Variants in DAB1 observed in about 807,000 individuals in gnomAD.
DAB1 encodes the protein DAB adaptor protein 1, also known as disabled homolog 1.
Under a neutral mutation model 64.6 loss-of-function variants are expected in DAB1, and 15 were observed. The ratio of observed to expected loss-of-function variants is 0.23; its 90% confidence interval spans 0.16 to 0.36. DAB1 has a LOEUF of 0.36. Ranked by LOEUF, DAB1 falls within the 10% of genes least tolerant of loss-of-function variation. DAB1 has a pLI of 1.00. For synonymous variants in DAB1, 235 were observed against 251.9 expected (o/e 0.93, Z 0.64); for missense variants, 596 against 706.7 (o/e 0.84, Z 1.78).
At chr1:58,156,697 A>T (rs1376533887) in intron 4 of DAB1, among the ~76,000 whole-genome samples, 1 of 152,194 alleles carries the variant, frequency 6.6e-6, no homozygotes, top group African/African-American at 2.4e-5. Context: ...AGGAGAAGGC[A>T]GGCTGCACAG....
chr1:58,042,576 G>C (rs1557623144), intron 5 of DAB1, among the ~76,000 whole-genome samples: 1 of 152,294 alleles, frequency 6.6e-6, no homozygotes, highest in African/African-American at 2.4e-5. Context: ...AAACACAAAG[G>C]AAAAGGAGGG....
At chr1:58,036,318 G>A (rs1257007491) in intron 5 of DAB1, among the ~76,000 whole-genome samples, 1 of 152,176 alleles carries the variant, frequency 6.6e-6, no homozygotes, top group Non-Finnish European at 1.5e-5. Context: ...CCAAGGTCAT[G>A]CTGGCAGTTG....
intron 5 of DAB1, among the ~76,000 whole-genome samples, chr1:58,002,184 G>A (rs1484588238): frequency 6.6e-6 from 1 of 152,162 alleles, no homozygotes; most frequent in African/African-American, 2.4e-5. Flanking sequence ...AGGAGCCACA[G>A]GCAACTGATA....
intron 2 of DAB1, among the ~76,000 whole-genome samples, chr1:57,207,025 A>G (rs1175012507): frequency 8.1e-6 from 1 of 123,926 alleles, no homozygotes; most frequent in African/African-American, 3.2e-5. Context: ...CTGGAGTGTA[A>G]TGGCGCAGTC....
At chr1:57,211,701 A>C (rs1203620567) in intron 2 of DAB1, among the ~76,000 whole-genome samples, 1 of 152,236 alleles carries the variant, frequency 6.6e-6, no homozygotes, top group East Asian at 1.9e-4. Context: ...GCCCTCTGTA[A>C]TCACAGGTAC....
At chr1:57,917,930 T>C (rs1323369515) in intron 5 of DAB1, among the ~76,000 whole-genome samples, 1 of 152,066 alleles carries the variant, frequency 6.6e-6, no homozygotes, top group Non-Finnish European at 1.5e-5. Flanking sequence ...TAGCCAGGCA[T>C]GGTGGTGGGA....
chr1:57,776,445 A>G (rs1418455539), intron 6 of DAB1, among the ~76,000 whole-genome samples: 2 of 151,770 alleles, frequency 1.3e-5, no homozygotes, highest in East Asian at 1.9e-4. Context: ...CATTTAATGT[A>G]GTTACTGACA....
intron 3 of DAB1, among the ~76,000 whole-genome samples, chr1:58,345,391 A>G (rs1643985041): frequency 1.3e-5 from 2 of 152,210 alleles, no homozygotes; most frequent in Non-Finnish European, 2.9e-5. Context: ...TGCAGTCCAA[A>G]TCAGAATGTG....
chr1:58,507,142 C>T (rs1441639610), intron 2 of DAB1, among the ~76,000 whole-genome samples: 1 of 151,674 alleles, frequency 6.6e-6, no homozygotes, highest in Non-Finnish European at 1.5e-5. Context: ...TTAAATCCTC[C>T]ATAAGGTGGA....
intron 5 of DAB1, among the ~76,000 whole-genome samples, chr1:58,020,977 C>T (rs930414456): frequency 1.6e-4 from 24 of 152,178 alleles, no homozygotes; most frequent in African/African-American, 5.8e-4. Context: ...TACTCCTGCA[C>T]TCCAGCCTGG....
chr1:58,126,911 AT>A (rs1223817782), intron 5 of DAB1, among the ~76,000 whole-genome samples: 1 of 145,190 alleles, frequency 6.9e-6, no homozygotes, highest in East Asian at 2.1e-4. Context: ...TAATGCCGCA[AT>A]AAACATACGT....
intron 1 of DAB1, among the ~76,000 whole-genome samples, chr1:57,400,436 C>T (rs1234905803): frequency 6.6e-6 from 1 of 152,042 alleles, no homozygotes; most frequent in Admixed American, 6.6e-5. Context: ...ACCTGCCTGT[C>T]CATAAACTCC....
At chr1:58,053,305 T>C (rs1057291850) in intron 5 of DAB1, among the ~76,000 whole-genome samples, 1 of 152,186 alleles carries the variant, frequency 6.6e-6, no homozygotes, top group African/African-American at 2.4e-5. Flanking sequence ...AATTCTGATG[T>C]CTGGAAAGGT....
intron 4 of DAB1, among the ~76,000 whole-genome samples, chr1:57,131,673 G>A (rs1305664804): frequency 3.3e-5 from 5 of 152,154 alleles, no homozygotes; most frequent in Non-Finnish European, 7.4e-5. Flanking sequence ...GTGACATCTG[G>A]TTTTCACTGA....
intron 3 of DAB1, among the ~76,000 whole-genome samples, chr1:58,466,406 A>T (rs1645296201): frequency 6.6e-6 from 1 of 151,132 alleles, no homozygotes; most frequent in South Asian, 2.1e-4. Flanking sequence ...TTGCATGTTT[A>T]ATCCTGTCTC....
chr1:57,334,945 C>A (rs1389026758), intron 1 of DAB1, among the ~76,000 whole-genome samples: 2 of 152,138 alleles, frequency 1.3e-5, no homozygotes, highest in Non-Finnish European at 2.9e-5. Context: ...TGAGGTATCC[C>A]ATAGCTAGAA....
In DAB1 at chr1:58,530,976, C is replaced by A. The variant is rs1008265434; in HGVS notation, n.33-3641G>T. Among the ~76,000 whole-genome samples, 4 of 152,192 alleles carry A rather than the reference C, an allele frequency of 2.6e-5. No individual in the cohort carries two copies. In the South Asian group the frequency reaches 8.3e-4, roughly 32 times the overall value. On this transcript the variant is annotated intron_variant and non_coding_transcript_variant, in intron 1 of 20. Coordinates refer to the DAB1 transcript ENST00000485760. The stretch of plus-strand genomic sequence containing the variant: ...CTTACTATTAGTCAGAGGATATAAA[C>A]CTACAATTTCTTATATTAACAGGCA...
chr1:57,468,371 GT>G (rs1255616182), intron 7 of DAB1, among the ~76,000 whole-genome samples: 1 of 152,172 alleles, frequency 6.6e-6, no homozygotes, highest in African/African-American at 2.4e-5. Flanking sequence ...ACGGAGTAAG[GT>G]TTGTTGGAGT....
intron 5 of DAB1, among the ~76,000 whole-genome samples, chr1:58,110,293 C>T (rs1651901060): frequency 6.6e-6 from 1 of 151,996 alleles, no homozygotes; most frequent in African/African-American, 2.4e-5. Context: ...TACCTTAGTT[C>T]AAAGTGGGAT....
Sources: allele counts gnomAD v4.1 joint callset (sites outside exome capture counted in the v4.1 genomes callset), GRCh38; gene constraint gnomAD v4.1.1; transcripts MANE v1.5; gene names NCBI Gene and HGNC (gene_info 2026-07-23, HGNC 2026-07-21).